The following GRID2 variants were observed in gnomAD, a reference collection of about 807,000 sequenced individuals.
The protein encoded by GRID2 is glutamate ionotropic receptor delta type subunit 2.
In GRID2, 33 loss-of-function variants were observed where a neutral mutation model predicts 114.8. The observed-to-expected ratio is 0.29, with a 90% confidence interval of 0.22 to 0.38. The LOEUF is 0.38. Among genes scored for constraint, GRID2 ranks in the 10% least tolerant of loss-of-function variants. The probability of loss-of-function intolerance (pLI) is 1.00; values close to 1 mark genes in which losing one functional copy is unlikely to be tolerated. For missense variants in GRID2, 1,184 were observed against 1,257.7 expected (o/e 0.94, Z 0.89); for synonymous variants, 505 against 449.9 (o/e 1.12, Z -1.55).
intron 1 of GRID2, among the ~76,000 whole-genome samples, chr4:92,377,492 C>T (rs951315483): frequency 2.6e-5 from 4 of 152,176 alleles, no homozygotes; most frequent in Admixed American, 1.3e-4. Context: ...GCCCTCCAAA[C>T]TGTTCCAACC....
chr4:93,638,054 T>A (rs187558458), intron 14 of GRID2, among the ~76,000 whole-genome samples: 2 of 152,270 alleles, frequency 1.3e-5, no homozygotes, highest in Non-Finnish European at 2.9e-5. Context: ...ATAGCCCAGG[T>A]AAGTCTAACA....
At chr4:93,075,877 A>G (rs1415479334) in intron 2 of GRID2, among the ~76,000 whole-genome samples, 2 of 119,566 alleles carry the variant, frequency 1.7e-5, no homozygotes, top group African/African-American at 6.6e-5. Context: ...TGTCGAAGTT[A>G]CCTCTCTTTT....
At chr4:93,001,683 G>A (rs1721001309) in intron 2 of GRID2, among the ~76,000 whole-genome samples, 1 of 151,666 alleles carries the variant, frequency 6.6e-6, no homozygotes, top group Admixed American at 6.6e-5. Context: ...TGGGTTAAAG[G>A]AAAGAGAGGG....
At chr4:92,723,862 TA>T (rs1256448086) in intron 2 of GRID2, among the ~76,000 whole-genome samples, 3 of 152,196 alleles carry the variant, frequency 2.0e-5, no homozygotes, top group Non-Finnish European at 4.4e-5. Flanking sequence ...CTCTTCCTAT[TA>T]CCTCTTGTTT....
intron 13 of GRID2, among the ~76,000 whole-genome samples, chr4:93,538,732 A>G (rs1454335293): frequency 4.0e-5 from 6 of 151,848 alleles, no homozygotes; most frequent in African/African-American, 1.4e-4. Context: ...ATTAAGGGAC[A>G]TACTCCAAAA....
chr4:92,447,958 A>G (rs1733557574), intron 1 of GRID2, among the ~76,000 whole-genome samples: 2 of 152,170 alleles, frequency 1.3e-5, no homozygotes, highest in Admixed American at 1.3e-4. Context: ...GACTAGCTGA[A>G]GTGCTTTAAA....
chr4:93,410,057 T>C (rs1190956128), intron 9 of GRID2, among the ~76,000 whole-genome samples: 1 of 152,206 alleles, frequency 6.6e-6, no homozygotes, highest in Non-Finnish European at 1.5e-5. Context: ...TCAAGTTATG[T>C]GAACTATATT....
intron 10 of GRID2, among the ~76,000 whole-genome samples, chr4:93,448,238 G>A (rs1435761445): frequency 6.6e-6 from 1 of 151,666 alleles, no homozygotes; most frequent in Non-Finnish European, 1.5e-5. Flanking sequence ...TTTTCAAAAC[G>A]TTAACTGGAA....
chr4:93,094,412 A>AT (rs1347214545), intron 3 of GRID2, among the ~76,000 whole-genome samples: 1 of 152,040 alleles, frequency 6.6e-6, no homozygotes, highest in East Asian at 1.9e-4. Flanking sequence ...ACTAAAAAAA[A>AT]GTCATTCTTT....
chr4:92,391,237 T>C (rs1730223991), intron 1 of GRID2, among the ~76,000 whole-genome samples: 1 of 152,154 alleles, frequency 6.6e-6, no homozygotes. Context: ...GTCATCAGAC[T>C]GTTTCAAGGA....
intron 14 of GRID2, among the ~76,000 whole-genome samples, chr4:93,632,929 T>C (rs974192009): frequency 3.3e-5 from 5 of 152,196 alleles, no homozygotes; most frequent in South Asian, 2.1e-4. Context: ...AAGAGGTCCT[T>C]CACATCCCTT....
intron 2 of GRID2, among the ~76,000 whole-genome samples, chr4:92,831,970 T>C (rs538367342): frequency 1.3e-5 from 2 of 152,236 alleles, no homozygotes; most frequent in African/African-American, 4.8e-5. Context: ...CGATTAATGA[T>C]ACAGTGCATA....
At chr4:93,803,012 G>T (rs1167276597) in intron 1 of GRID2, among the ~76,000 whole-genome samples, 1 of 152,170 alleles carries the variant, frequency 6.6e-6, no homozygotes, top group Admixed American at 6.6e-5. Flanking sequence ...CAATGGCCTT[G>T]TTTGAACATA....
intron 1 of GRID2, among the ~76,000 whole-genome samples, chr4:92,442,687 G>A (rs1447988473): frequency 1.3e-5 from 2 of 152,020 alleles, no homozygotes; most frequent in South Asian, 2.1e-4. Context: ...AGAATAAGAT[G>A]GCCTTTTGAC....
chr4:93,695,578 A>G (rs952287791), intron 14 of GRID2, among the ~76,000 whole-genome samples: 9 of 152,208 alleles, frequency 5.9e-5, no homozygotes, highest in African/African-American at 1.4e-4. Flanking sequence ...GCCATGCTCT[A>G]TGGTCAGGAT....
chr4:93,351,113 C>T (rs1760755730), intron 8 of GRID2, among the ~76,000 whole-genome samples: 1 of 152,046 alleles, frequency 6.6e-6, no homozygotes, highest in African/African-American at 2.4e-5. Context: ...TGTCCCTGCC[C>T]TTGATATGTG....
At chr4:92,950,261 T>A (rs986168324) in intron 2 of GRID2, among the ~76,000 whole-genome samples, 1 of 152,144 alleles carries the variant, frequency 6.6e-6, no homozygotes, top group African/African-American at 2.4e-5. Context: ...TCAAAATATG[T>A]GTTTGGAGAT....
intron 14 of GRID2, among the ~76,000 whole-genome samples, chr4:93,690,278 C>T (rs1401457397): frequency 1.3e-5 from 2 of 151,900 alleles, no homozygotes; most frequent in African/African-American, 4.8e-5. Flanking sequence ...ATAAAAAACG[C>T]ACAATAAGAT....
chr4:92,560,436 T>G (rs1252789931), intron 1 of GRID2, among the ~76,000 whole-genome samples: 3 of 152,184 alleles, frequency 2.0e-5, no homozygotes, highest in Admixed American at 2.0e-4. Context: ...CAATCATATT[T>G]TATTCTTTTC....
Sources: gnomAD v4.1 joint callset for allele counts (sites outside exome capture counted in the v4.1 genomes callset) on GRCh38, gnomAD v4.1.1 for gene constraint, MANE v1.5 for transcripts, NCBI Gene and HGNC (gene_info 2026-07-23, HGNC 2026-07-21) for gene names.